Variants in TTN observed in about 807,000 individuals in gnomAD.
The protein encoded by TTN is titin, also known as connectin.
In TTN, 1,525 loss-of-function variants were observed where a neutral mutation model predicts 3,223.0. That is an observed-to-expected ratio of 0.47 (90% confidence interval 0.45 to 0.49). The LOEUF (loss-of-function observed/expected upper bound fraction) is 0.49. TTN is among the 20% of genes least tolerant of loss of function. The pLI, the probability that TTN is intolerant of heterozygous loss-of-function variation, is 0.00. For missense variants in TTN, 40,786 were observed against 43,424.0 expected (o/e 0.94, Z 5.40); for synonymous variants, 14,094 against 15,161.0 (o/e 0.93, Z 5.17).
rs750273902 is a variant in TTN, at chr2:178,537,157, C to G, written c.99952G>C (p.Asp33318His). ...AVISWKPPADDGGSWITNYVV... is the reference protein window; with the variant it reads ...AVISWKPPADHGGSWITNYVV... The stretch of plus-strand genomic sequence containing the variant: ...TAGTTGGTGATCCAGGAGCCTCCGT[C>G]ATCTGCGGGTGGTTTCCAGCTGATC... The change falls in exon 356 of 363, where the codon GAC becomes CAC. Residue 33318 changes from aspartate to histidine, a missense_variant. Coordinates refer to ENST00000589042, the MANE Select transcript of TTN (RefSeq NM_001267550.2). 1 of 1,613,694 alleles carries G rather than the reference C, an allele frequency of 6.2e-7. No individual in the cohort carries two copies. The highest frequency in any genetic ancestry group is 8.5e-7 in the Non-Finnish European group (1 of 1,179,746).
At chr2:178,727,026 G>C (rs1470286018) in intron 69 of TTN, 64 bp downstream of exon 69, 4 of 1,327,944 alleles carry the variant, frequency 3.0e-6, no homozygotes, top group Non-Finnish European at 3.9e-6. Context: ...TGAATAAAGA[G>C]CTATAATACC....
intron 47 of TTN, chr2:178,745,342 T>C (rs1368908821): frequency 3.7e-6 from 5 of 1,358,908 alleles, no homozygotes; most frequent in Non-Finnish European, 4.7e-6. Flanking sequence ...AGAGATTTAA[T>C]TGTGTTTGAT....
At chr2:178,556,492 G>T in intron 330 of TTN, 1 of 267,424 alleles carries the variant, frequency 3.7e-6, no homozygotes, top group Non-Finnish European at 7.0e-6. Flanking sequence ...TCTCTGTTTA[G>T]TCTGTGGCTT....
In TTN at chr2:178,539,823, G is replaced by A. The variant is rs72648272; in HGVS notation, c.98242C>T (p.Arg32748Cys). 5,583 of 1,613,820 alleles carry A rather than the reference G, an allele frequency of 3.5e-3. 17 individuals are homozygous for A. The highest frequency in any genetic ancestry group is 3.8e-3 in the Non-Finnish European group (4,508 of 1,179,780). Reference sequence around the variant, plus strand: ...GTTTCAGATGTTGCAATCATGGCACGCTTACTAATATCCTGGCCTTCCTTG... The same window carrying A: ...GTTTCAGATGTTGCAATCATGGCACACTTACTAATATCCTGGCCTTCCTTG... Reference protein sequence around the residue: ...WTKEGQDISKRAMIATSETHT... With the variant: ...WTKEGQDISKCAMIATSETHT... Residue 32748 changes from arginine to cysteine, a missense_variant, in exon 352 of 363, where the codon CGT becomes TGT. By Grantham distance (180) the Arg-to-Cys change is radical (BLOSUM62 -3). Transcript: ENST00000589042.
chr2:178,605,183 A>C lies in TTN; in HGVS notation c.53994T>G (p.Ile17998Met). The C allele has an allele frequency of 6.2e-7, 1 of 1,612,306 alleles. No individual in the cohort carries two copies. Among genetic ancestry groups the C allele is most frequent in the Non-Finnish European group, 8.5e-7 (1 of 1,179,102 alleles). Residue 17998 changes from isoleucine (I) to methionine (M), a missense_variant, in exon 280 of 363, where the codon ATT becomes ATG. Physicochemically the swap from Ile to Met is conservative, Grantham distance 10 (BLOSUM62 1). Coordinates refer to ENST00000589042, the MANE Select transcript of TTN (RefSeq NM_001267550.2). ...TTACAGTTTCATTTTTGGACCATTCAATCTTAGGCATTGGAAGGCCTGTCA... is the reference window on the plus strand; with the variant it reads ...TTACAGTTTCATTTTTGGACCATTCCATCTTAGGCATTGGAAGGCCTGTCA... ...ADVTGLPMPK[I>M]EWSKNETVIE...
In TTN at chr2:178,741,756, ACTT is replaced by A; in HGVS notation, c.11474_11476del (p.Glu3825del). ...CCCCATGCTTATATCAGCATTTGACACTTCTTTGATGAAAATTGGGCCAGTGCC... is the reference window on the plus strand; with the variant it reads ...CCCCATGCTTATATCAGCATTTGACACTTTGATGAAAATTGGGCCAGTGCC... On this transcript the variant is annotated inframe_deletion, in exon 48 of 363. Coordinates refer to ENST00000589042, the MANE Select transcript of TTN (RefSeq NM_001267550.2). 1 of 1,613,606 alleles carries A rather than the reference ACTT, an allele frequency of 6.2e-7. No homozygotes were observed. The highest frequency in any genetic ancestry group is 8.5e-7 in the Non-Finnish European group (1 of 1,179,704).
Position 178,566,816 on chromosome 2 carries a change from C to T in TTN, c.79316G>A (p.Arg26439His), listed in dbSNP as rs187941835. The change falls in exon 326 of 363, where the codon CGC (arginine) becomes CAC (histidine). Residue 26439 changes from arginine to histidine, a missense_variant. Transcript: ENST00000589042. ...SGIRWIKCNK[R>H]RITDLRLRVT... is the part of the protein sequence containing the mutation. The stretch of plus-strand genomic sequence containing the variant: ...TCTTAGACGCAAATCTGTAATGCGG[C>T]GTTTATTACATTTTATCCATCGAAT... 55 of 1,613,294 alleles carry T rather than the reference C, an allele frequency of 3.4e-5. No homozygotes were observed. The highest frequency in any genetic ancestry group is 5.0e-5 in the Admixed American group (3 of 59,960).
Position 178,611,471 on chromosome 2 carries a change from GAAC to G in TTN, c.50755_50757del (p.Val16919del). 2 of 1,612,930 alleles carry G rather than the reference GAAC, an allele frequency of 1.2e-6. No homozygotes were observed. Among genetic ancestry groups the G allele is most frequent in the East Asian group, 4.5e-5 (2 of 44,680 alleles). ...ACTCTCAGGACATATTCTTTGTCAG[GAAC>G]AACACCTTCTTCAACCTTGAATTTC... On this transcript the variant is annotated inframe_deletion, in exon 269 of 363. Coordinates refer to ENST00000589042, the MANE Select transcript of TTN (RefSeq NM_001267550.2).
intron 114 of TTN, 51 bp downstream of exon 114, chr2:178,695,814 C>T (rs2073598812): frequency 7.5e-7 from 1 of 1,332,846 alleles, no homozygotes. Context: ...ATTTAATGAA[C>T]TGAGCAAAAA....
At position 178,731,645 on chromosome 2, in the gene TTN, G is replaced by C. The variant is rs762611646; in HGVS notation, c.17182+48C>G. ...TATAGCAAAAGTGGCTTAAAAAAAA[G>C]AATTGACTCTTCAGAAAAGCCAGTC... On this transcript the variant is annotated intron_variant, in intron 58 of 362. Coordinates refer to ENST00000589042, the MANE Select transcript of TTN (RefSeq NM_001267550.2). 1.9e-6 allele frequency: 3 copies of C among 1,572,704 alleles called. No individual in the cohort carries two copies. In the South Asian group the frequency reaches 3.6e-5, roughly 19 times the overall value.
chr2:178,790,001 G>C lies in TTN; in HGVS notation c.1915C>G (p.Gln639Glu). 1 of 1,612,996 alleles carries C rather than the reference G, an allele frequency of 6.2e-7. No homozygotes were observed. ...GREGITTKRE[Q>E]VQITQEKMRK... is the part of the protein sequence containing the mutation. ...ACCTTCTCCTGAGTTATTTGCACTT[G>C]TTCTCTTTTGGTAGTAATGCCTTCT... is the stretch of plus-strand genomic sequence containing the variant. Residue 639 changes from glutamine (Q) to glutamate (E), a missense_variant, in exon 12 of 363, where the codon CAA becomes GAA. Gln to Glu is a conservative substitution (Grantham distance 29, BLOSUM62 2). Coordinates refer to ENST00000589042, the MANE Select transcript of TTN (RefSeq NM_001267550.2).
Position 178,564,417 on chromosome 2 carries a change from G to C in TTN, c.81715C>G (p.Gln27239Glu). The change falls in exon 326 of 363, where the codon CAA becomes GAA. Residue 27239 changes from glutamine (Q) to glutamate (E), a missense_variant. Gln to Glu is a conservative substitution (Grantham distance 29). Coordinates refer to ENST00000589042, the MANE Select transcript of TTN (RefSeq NM_001267550.2). ...GCAATTACTCTAAATTCATATCTTT[G>C]GTCTTCTACAAGTCCACTCACTGTA... ...EFTVSGLVED[Q>E]RYEFRVIARN... The C allele has an allele frequency of 6.2e-7, 1 of 1,613,114 alleles. No individual in the cohort carries two copies.
At chr2:178,614,815 T>C in intron 260 of TTN, 32 bp downstream of exon 260, 1 of 1,587,414 alleles carries the variant, frequency 6.3e-7, no homozygotes, top group African/African-American at 1.3e-5. Flanking sequence ...GTCAGAGGCC[T>C]ATTTGATAAG....
In TTN at chr2:178,588,250, C is replaced by T. The variant is rs574660433; in HGVS notation, c.63188-31G>A. The T allele has an allele frequency of 7.3e-6, 11 of 1,502,348 alleles. No homozygotes were observed. The African/African-American group carries it at 8.4e-5, about 11-fold the overall frequency. 93.1% of individuals were successfully genotyped at this position (1,502,348 alleles called of 1,614,324 possible). On this transcript the variant is annotated intron_variant, in intron 304 of 362. Coordinates refer to ENST00000589042, the MANE Select transcript of TTN (RefSeq NM_001267550.2). ...AGTAAAATATACATATAGTTAACTA[C>T]TACTAGTGATACTTCAATGTGTAAT...
rs1226337905 is a variant in TTN, at chr2:178,712,815, C to G, written c.27210G>C (p.Glu9070Asp). 6.2e-7 allele frequency: 1 copy of G among 1,613,650 alleles called. No individual in the cohort carries two copies. Among genetic ancestry groups the G allele is most frequent in the Non-Finnish European group, 8.5e-7 (1 of 1,179,792 alleles). ...VPGDRCNVSL[E>D]DSVAELELFD... The stretch of plus-strand genomic sequence containing the variant: ...ACAACTCCAGTTCAGCAACTGAATC[C>G]TCCAAAGACACGTTGCATCTGTCAC... The change falls in exon 94 of 363, where the codon GAG becomes GAC. Residue 9070 changes from glutamate (E) to aspartate (D), a missense_variant. Transcript: ENST00000589042.
In TTN at chr2:178,608,899, C is replaced by T. The variant is rs794729455; in HGVS notation, c.52112G>A (p.Gly17371Glu). Residue 17371 changes from glycine (G) to glutamate (E), a missense_variant, in exon 274 of 363, where the codon GGA (glycine) becomes GAA (glutamate). Gly to Glu is a moderately conservative substitution (Grantham distance 98, BLOSUM62 -2). Coordinates refer to ENST00000589042, the MANE Select transcript of TTN (RefSeq NM_001267550.2). ...TTCAAATACAAAGTTGATTGGTGGT[C>T]CCGGTGTATCTAATATTTCAGAAGA... ...PCTVSVLDTP[G>E]PPINFVFEDI... 20 of 1,608,008 alleles carry T rather than the reference C, an allele frequency of 1.2e-5. No homozygotes were observed. The highest frequency in any genetic ancestry group is 1.4e-5 in the Non-Finnish European group (16 of 1,178,876).
Position 178,561,200 on chromosome 2 carries a change from T to C in TTN, c.84932A>G (p.Tyr28311Cys). 6.2e-7 allele frequency: 1 copy of C among 1,613,522 alleles called. No individual in the cohort carries two copies. Among genetic ancestry groups the C allele is most frequent in the Non-Finnish European group, 8.5e-7 (1 of 1,179,778 alleles). The change falls in exon 326 of 363, where the codon TAC (tyrosine) becomes TGC (cysteine). Residue 28311 changes from tyrosine (Y) to cysteine (C), a missense_variant. Coordinates refer to ENST00000589042, the MANE Select transcript of TTN (RefSeq NM_001267550.2). ...KCNYTNIQETYFEVTELTEDQ... is the reference protein window; with the variant it reads ...KCNYTNIQETCFEVTELTEDQ... The stretch of plus-strand genomic sequence containing the variant: ...TTCAGTAAGTTCAGTTACTTCAAAG[T>C]ATGTTTCTTGTATATTAGTATAATT...
rs371140114 is a variant in TTN at position 178,569,323 on chromosome 2, A to G, written c.76809T>C (p.Ser25603=). ...FVTVRVLDTP[S]PPVNLKVTEI... ...CTGTGACTTTCAGGTTAACAGGTGG[A>G]CTTGGCGTGTCCAGAACTCTCACAG... The change falls in exon 326 of 363, where the codon AGT becomes AGC. Residue 25603 remains serine, a synonymous_variant. Coordinates refer to ENST00000589042, the MANE Select transcript of TTN (RefSeq NM_001267550.2). 2.5e-6 allele frequency: 4 copies of G among 1,613,134 alleles called. No individual in the cohort carries two copies. Among genetic ancestry groups the G allele is most frequent in the Admixed American group, 1.7e-5 (1 of 59,960 alleles).
chr2:178,529,977 C>T lies in TTN; in HGVS notation c.106514G>A (p.Cys35505Tyr), dbSNP rs2154132356. ...KNSAGSVSSS[C>Y]KLTIKAIKDT... ...CAACCTACCTTTTATTGTTAATTTG[C>T]AGCTAGAGGACACAGATCCAGCTGA... The change falls in exon 359 of 363, where the codon TGC (cysteine) becomes TAC (tyrosine). Residue 35505 changes from cysteine (C) to tyrosine (Y), a missense_variant. Coordinates refer to ENST00000589042, the MANE Select transcript of TTN (RefSeq NM_001267550.2). The T allele has an allele frequency of 6.3e-7, 1 of 1,596,172 alleles. No homozygotes were observed. The highest frequency in any genetic ancestry group is 1.2e-5 in the South Asian group (1 of 86,048).
Sources: allele counts gnomAD v4.1 joint callset, GRCh38; gene constraint gnomAD v4.1.1; transcripts MANE v1.5; gene names NCBI Gene and HGNC (gene_info 2026-07-23, HGNC 2026-07-21).